THSD7B: variants seen among roughly 807,000 people sequenced by gnomAD.
THSD7B encodes the protein thrombospondin type-1 domain-containing protein 7B.
Under a neutral mutation model 213.6 loss-of-function variants are expected in THSD7B, and 138 were observed. The observed-to-expected ratio is 0.65, with a 90% confidence interval of 0.56 to 0.74. The LOEUF (loss-of-function observed/expected upper bound fraction) is 0.74, where lower values mean the gene tolerates loss of function less well. Among genes scored for constraint, THSD7B ranks in the 30% least tolerant of loss-of-function variants. The probability of loss-of-function intolerance (pLI) is 0.00; values close to 1 mark genes in which losing one functional copy is unlikely to be tolerated. For missense variants in THSD7B, 1,931 were observed against 1,991.5 expected, an observed-to-expected ratio of 0.97 and a Z score of 0.58; for synonymous variants, 742 against 687.0, an observed-to-expected ratio of 1.08 and a Z score of -1.25.
chr2:137,363,569 C>T (rs1247555891), intron 12 of THSD7B, among the ~76,000 whole-genome samples: 1 of 152,008 alleles, frequency 6.6e-6, no homozygotes, highest in Non-Finnish European at 1.5e-5. Context: ...ACCACCGATC[C>T]CACAGAAATA....
intron 12 of THSD7B, among the ~76,000 whole-genome samples, chr2:137,316,075 A>G (rs531183393): frequency 6.6e-6 from 1 of 152,358 alleles, no homozygotes; most frequent in South Asian, 2.1e-4. Context: ...CAGAATTATT[A>G]CTTGGGTAAT....
intron 15 of THSD7B, among the ~76,000 whole-genome samples, chr2:137,464,187 T>C (rs1026353773): frequency 2.6e-5 from 4 of 152,046 alleles, no homozygotes. Context: ...CATTACAATA[T>C]GATTTCCTCA....
chr2:137,489,841 C>A (rs990524179), intron 15 of THSD7B, among the ~76,000 whole-genome samples: 1 of 152,198 alleles, frequency 6.6e-6, no homozygotes, highest in Non-Finnish European at 1.5e-5. Context: ...AAAAACCTCT[C>A]CCTCCTTTAC....
intron 12 of THSD7B, among the ~76,000 whole-genome samples, chr2:137,307,904 G>A (rs1212364043): frequency 6.6e-6 from 1 of 151,982 alleles, no homozygotes; most frequent in Non-Finnish European, 1.5e-5. Flanking sequence ...TATAATACAA[G>A]GAGTCTTATA....
intron 7 of THSD7B, among the ~76,000 whole-genome samples, chr2:137,201,314 T>C (rs1680870810): frequency 6.6e-6 from 1 of 152,188 alleles, no homozygotes. Context: ...TTTCATTATC[T>C]GTTGCTCCAT....
intron 17 of THSD7B, among the ~76,000 whole-genome samples, chr2:137,575,292 T>C (rs1681435180): frequency 6.6e-6 from 1 of 152,052 alleles, no homozygotes; most frequent in Non-Finnish European, 1.5e-5. Context: ...CCCTCCCACT[T>C]ACCTTGTTTG....
intron 12 of THSD7B, among the ~76,000 whole-genome samples, chr2:137,296,717 C>G (rs1683472281): frequency 6.6e-6 from 1 of 152,082 alleles, no homozygotes; most frequent in South Asian, 2.1e-4. Flanking sequence ...GTCCTCAACT[C>G]CCTTATAATT....
intron 2 of THSD7B, among the ~76,000 whole-genome samples, chr2:136,989,511 A>G (rs958782421): frequency 6.6e-6 from 1 of 152,170 alleles, no homozygotes; most frequent in Admixed American, 6.5e-5. Context: ...TGAGGCCTCA[A>G]CAGAAGTTGA....
At chr2:137,231,678 C>T (rs181849126) in intron 8 of THSD7B, among the ~76,000 whole-genome samples, 3 of 152,288 alleles carry the variant, frequency 2.0e-5, no homozygotes, top group South Asian at 2.1e-4. Context: ...CTACCTGATC[C>T]GTGCATGCTG....
intron 12 of THSD7B, among the ~76,000 whole-genome samples, chr2:137,329,146 C>T (rs1326527159): frequency 1.3e-5 from 2 of 152,102 alleles, no homozygotes; most frequent in Non-Finnish European, 2.9e-5. Context: ...TTTAAAATTT[C>T]CTAGAGACTT....
intron 20 of THSD7B, among the ~76,000 whole-genome samples, chr2:137,631,215 T>A (rs920752847): frequency 6.6e-6 from 1 of 152,200 alleles, no homozygotes; most frequent in African/African-American, 2.4e-5. Flanking sequence ...AGGGATCTTT[T>A]TAGATAGATT....
At chr2:137,671,027 CTT>C (rs569043562) in intron 27 of THSD7B, among the ~76,000 whole-genome samples, 136 of 151,578 alleles carry the variant, frequency 9.0e-4, no homozygotes, top group Non-Finnish European at 1.6e-3. Context: ...ATAAGTCACT[CTT>C]ATCACTGCTT....
intron 9 of THSD7B, among the ~76,000 whole-genome samples, chr2:137,236,486 T>G (rs1275751669): frequency 6.6e-6 from 1 of 152,170 alleles, no homozygotes; most frequent in Non-Finnish European, 1.5e-5. Context: ...TGTGTTCGGT[T>G]TTGTTTTACT....
chr2:136,786,807 G>A (rs1363507140), intron 1 of THSD7B, among the ~76,000 whole-genome samples: 2 of 152,034 alleles, frequency 1.3e-5, no homozygotes, highest in Admixed American at 6.6e-5. Flanking sequence ...CATAAATGTC[G>A]ATGATTTCTT....
intron 3 of THSD7B, among the ~76,000 whole-genome samples, chr2:137,090,436 A>C (rs1247049210): frequency 6.6e-6 from 1 of 152,128 alleles, no homozygotes; most frequent in African/African-American, 2.4e-5. Context: ...TGGTAAATGG[A>C]ATGCTAATGA....
At chr2:136,856,342 G>A (rs557168061) in intron 1 of THSD7B, among the ~76,000 whole-genome samples, 17 of 152,122 alleles carry the variant, frequency 1.1e-4, no homozygotes, top group Non-Finnish European at 1.8e-4. Context: ...ACAGGCTGAG[G>A]CCAGTGCTTG....
chr2:137,552,047 C>A (rs1357969784), intron 15 of THSD7B, among the ~76,000 whole-genome samples: 2 of 152,164 alleles, frequency 1.3e-5, no homozygotes, highest in African/African-American at 4.8e-5. Context: ...TTTCCTAACC[C>A]ACCATCTTCC....
At chr2:137,647,856 C>T (rs114926531) in intron 21 of THSD7B, among the ~76,000 whole-genome samples, 33 of 152,218 alleles carry the variant, frequency 2.2e-4, no homozygotes, top group African/African-American at 7.7e-4. Context: ...CTCATGTTAG[C>T]GTCCCCTCCT....
At chr2:137,235,646 GA>G (rs534226546) in intron 9 of THSD7B, among the ~76,000 whole-genome samples, 67 of 152,118 alleles carry the variant, frequency 4.4e-4, no homozygotes, top group African/African-American at 1.4e-3. Context: ...GAGGATTTGA[GA>G]AAAAAATCAC....
Sources: gnomAD v4.1 joint callset for allele counts (sites outside exome capture counted in the v4.1 genomes callset) on GRCh38, gnomAD v4.1.1 for gene constraint, MANE v1.5 for transcripts, NCBI Gene and HGNC (gene_info 2026-07-23, HGNC 2026-07-21) for gene names.